Variants in DOCK3 observed in about 807,000 individuals in gnomAD.
DOCK3 encodes the protein dedicator of cytokinesis 3, also known as dedicator of cytokinesis protein 3.
Under a neutral mutation model 265.6 loss-of-function variants are expected in DOCK3, and 60 were observed. The observed-to-expected ratio is 0.23, with a 90% CI of 0.18 to 0.28. The LOEUF is 0.28. Among genes scored for constraint, DOCK3 ranks in the 10% least tolerant of loss-of-function variants. DOCK3 has a pLI of 1.00. For missense variants in DOCK3, 1,981 were observed against 2,594.3 expected (o/e 0.76, Z 5.14); for synonymous variants, 881 against 938.0 (o/e 0.94, Z 1.11).
chr3:51,373,003 G>A (rs1316883485), intron 49 of DOCK3, among the ~76,000 whole-genome samples: 1 of 152,160 alleles, frequency 6.6e-6, no homozygotes, highest in African/African-American at 2.4e-5. Context: ...TTTAATGACT[G>A]GGTCTTAAAG....
chr3:50,962,597 A>G (rs1305928125), intron 5 of DOCK3, among the ~76,000 whole-genome samples: 2 of 152,234 alleles, frequency 1.3e-5, no homozygotes, highest in African/African-American at 4.8e-5. Context: ...AAATCCGTGT[A>G]TACTTTCAGT....
At position 50,913,328 on chromosome 3, in the gene DOCK3, C is replaced by T. The variant is rs141389561; in HGVS notation, c.219-20653C>T. ...GTCTTGCTGTGGTTGAGCTGTTATCCAGTATGCAAAACAAAGTCTTCCCAC... is the reference window on the plus strand; with the variant it reads ...GTCTTGCTGTGGTTGAGCTGTTATCTAGTATGCAAAACAAAGTCTTCCCAC... On this transcript the variant is annotated intron_variant, in intron 4 of 52. Transcript: ENST00000266037. 3.0e-3 allele frequency among the ~76,000 whole-genome samples: 448 copies of T among 151,804 alleles called. 5 individuals are homozygous for T. The Middle Eastern group carries it at 0.037, about 13-fold the overall frequency.
intron 4 of DOCK3, among the ~76,000 whole-genome samples, chr3:50,933,162 C>T (rs570101670): frequency 7.2e-4 from 110 of 152,326 alleles, no homozygotes; most frequent in African/African-American, 2.6e-3. Context: ...TGCCACAACA[C>T]ATGGGAATTA....
At chr3:50,856,357 A>G (rs2107453152) in intron 3 of DOCK3, among the ~76,000 whole-genome samples, 3 of 151,398 alleles carry the variant, frequency 2.0e-5, no homozygotes. Flanking sequence ...TTGTTTTTTG[A>G]TTTTTTAATA....
rs1019831986 is a variant in DOCK3 at position 51,246,891 on chromosome 3, A to G, written c.2184+84A>G. ...TCTCAGTGATACAATGTGCAGGACA[A>G]ATGTAGACATCGCAGTACCTGGCCT... On this transcript the variant is annotated intron_variant, in intron 22 of 52. Coordinates refer to ENST00000266037, the MANE Select transcript of DOCK3 (RefSeq NM_004947.5). The G allele has an allele frequency of 2.2e-5, 29 of 1,343,904 alleles. No individual in the cohort carries two copies. The African/African-American group carries it at 2.9e-4, about 13-fold the overall frequency. The allele number at this position is 1,343,904 out of a possible 1,614,324, so 83.2% of individuals were successfully genotyped here. A position where few individuals can be genotyped will look rare whatever the true frequency, so the allele number is the denominator to read the frequency against.
intron 5 of DOCK3, among the ~76,000 whole-genome samples, chr3:50,977,272 C>T (rs576443477): frequency 1.7e-4 from 26 of 151,960 alleles, no homozygotes; most frequent in African/African-American, 5.5e-4. Flanking sequence ...GATTTTGCAG[C>T]GGCTGGTACC....
chr3:51,285,949 T>G (rs1254706600), intron 27 of DOCK3, among the ~76,000 whole-genome samples: 1 of 151,516 alleles, frequency 6.6e-6, no homozygotes, highest in African/African-American at 2.4e-5. Context: ...GAAAAAAGAG[T>G]TTAGTCTGGA....
At chr3:50,754,133 G>A (rs2040007648) in intron 1 of DOCK3, among the ~76,000 whole-genome samples, 1 of 118,996 alleles carries the variant, frequency 8.4e-6, no homozygotes, top group African/African-American at 3.1e-5. Context: ...TCCAGCCTGG[G>A]TGAGACAGAG....
chr3:51,238,245 C>G (rs1274161673), intron 21 of DOCK3, among the ~76,000 whole-genome samples: 1 of 147,524 alleles, frequency 6.8e-6, no homozygotes, highest in Non-Finnish European at 1.5e-5. Context: ...CGGGTTCACA[C>G]CATTCTCCTG....
intron 7 of DOCK3, 77 bp downstream of exon 7, chr3:51,075,517 G>T: frequency 8.0e-7 from 1 of 1,245,706 alleles, no homozygotes; most frequent in South Asian, 1.5e-5. Flanking sequence ...CTAATGTTAT[G>T]AAACAACATT....
At chr3:51,296,876 T>G (rs1364240561) in intron 27 of DOCK3, among the ~76,000 whole-genome samples, 1 of 152,086 alleles carries the variant, frequency 6.6e-6, no homozygotes, top group African/African-American at 2.4e-5. Context: ...CCCAGCACTT[T>G]GGGCGTCTGA....
intron 3 of DOCK3, chr3:50,863,414 A>T (rs1347950160): frequency 1.9e-6 from 1 of 519,998 alleles, no homozygotes; most frequent in Admixed American, 1.9e-5. Flanking sequence ...GCTCTGGGTT[A>T]CAAGGGCAGA....
At chr3:50,714,690 G>A (rs1375229074) in intron 1 of DOCK3, among the ~76,000 whole-genome samples, 1 of 152,120 alleles carries the variant, frequency 6.6e-6, no homozygotes, top group Non-Finnish European at 1.5e-5. Flanking sequence ...TTCTGCCTCA[G>A]CCTCCTAATG....
At chr3:51,237,442 T>G in intron 20 of DOCK3, 48 bp from the exon 21 acceptor site, 1 of 1,508,702 alleles carries the variant, frequency 6.6e-7, no homozygotes, top group Non-Finnish European at 9.1e-7. Context: ...TGGGGATAGA[T>G]CTGAGGCCTC....
chr3:51,037,660 T>A (rs559381363), intron 5 of DOCK3, among the ~76,000 whole-genome samples: 2 of 152,332 alleles, frequency 1.3e-5, no homozygotes, highest in South Asian at 4.1e-4. Context: ...GGGTCATATC[T>A]ATGGAGCATA....
At chr3:50,827,640 A>T (rs2044845194) in intron 2 of DOCK3, among the ~76,000 whole-genome samples, 1 of 152,090 alleles carries the variant, frequency 6.6e-6, no homozygotes, top group Admixed American at 6.5e-5. Flanking sequence ...TGGTTTTGCC[A>T]TTGGAAGTAA....
intron 32 of DOCK3, among the ~76,000 whole-genome samples, chr3:51,323,065 A>G (rs1172243539): frequency 6.6e-6 from 1 of 152,174 alleles, no homozygotes; most frequent in Non-Finnish European, 1.5e-5. Context: ...GCATTACATA[A>G]TGGTAAAGAG....
intron 1 of DOCK3, among the ~76,000 whole-genome samples, chr3:50,699,595 A>C (rs2035901096): frequency 2.0e-5 from 3 of 151,820 alleles, no homozygotes. Flanking sequence ...TGGTATGGGA[A>C]TATCTCCCTT....
intron 5 of DOCK3, among the ~76,000 whole-genome samples, chr3:50,947,845 A>G (rs1376552130): frequency 6.7e-6 from 1 of 150,264 alleles, no homozygotes; most frequent in Admixed American, 6.6e-5. Context: ...AAAATAAAAA[A>G]TTTCTGCAGT....
Sources: allele counts gnomAD v4.1 joint callset (sites outside exome capture counted in the v4.1 genomes callset), GRCh38; gene constraint gnomAD v4.1.1; transcripts MANE v1.5; gene names NCBI Gene and HGNC (gene_info 2026-07-23, HGNC 2026-07-21).